Variants in TRAPPC9 observed in about 807,000 individuals in gnomAD.
TRAPPC9 encodes the protein trafficking protein particle complex subunit 9, also known as IKK2 binding protein.
A neutral mutation model predicts 124.0 loss-of-function variants in TRAPPC9; 83 were observed. That is an observed-to-expected ratio of 0.67 (90% CI 0.56 to 0.80). The LOEUF is 0.80. Ranked by LOEUF, TRAPPC9 falls within the 30% of genes least tolerant of loss-of-function variation. The probability of loss-of-function intolerance (pLI) is 0.00; values close to 1 mark genes in which losing one functional copy is unlikely to be tolerated. For synonymous variants in TRAPPC9, 638 were observed against 617.5 expected (o/e 1.03, Z -0.49); for missense variants, 1,302 against 1,508.3 (o/e 0.86, Z 2.27).
chr8:139,762,047 C>T (rs1820269517), intron 21 of TRAPPC9, among the ~76,000 whole-genome samples: 1 of 151,768 alleles, frequency 6.6e-6, no homozygotes, highest in Non-Finnish European at 1.5e-5. Flanking sequence ...GCTCCCAGGC[C>T]CAAGGATGCT....
At chr8:140,169,653 G>A (rs935567535) in intron 17 of TRAPPC9, among the ~76,000 whole-genome samples, 4 of 152,186 alleles carry the variant, frequency 2.6e-5, no homozygotes, top group Non-Finnish European at 5.9e-5. Context: ...CAGGCTAAGT[G>A]AGAGAAGGGA....
At chr8:139,734,386 C>T (rs1192300557) in intron 21 of TRAPPC9, among the ~76,000 whole-genome samples, 1 of 152,236 alleles carries the variant, frequency 6.6e-6, no homozygotes, top group Non-Finnish European at 1.5e-5. Flanking sequence ...TAGGGAGCCA[C>T]CTGAATGTGG....
chr8:139,791,307 C>T (rs537583542), intron 21 of TRAPPC9, among the ~76,000 whole-genome samples: 18 of 150,212 alleles, frequency 1.2e-4, no homozygotes, highest in African/African-American at 3.1e-4. Context: ...CTCACACAGG[C>T]GCCCGTCTCC....
Position 140,360,104 on chromosome 8 carries a change from C to A in TRAPPC9, c.1441G>T (p.Val481Phe). Residue 481 changes from valine (V) to phenylalanine (F), a missense_variant, in exon 9 of 23, where the codon GTC (valine) becomes TTC (phenylalanine). Val to Phe is a conservative substitution (Grantham distance 50). Transcript: ENST00000438773. ...TGTAGAAGGAAGGACAGGTGTCTGA[C>A]AGAGAGGGCAGGGTTCCCCATCCTT... ...SRRMGNPALS[V>F]RHLSFLLQTM... is the part of the protein sequence containing the mutation. 1 of 1,614,202 alleles carries A rather than the reference C, an allele frequency of 6.2e-7. No individual in the cohort carries two copies. Among genetic ancestry groups the A allele is most frequent in the Non-Finnish European group, 8.5e-7 (1 of 1,180,036 alleles).
intron 18 of TRAPPC9, among the ~76,000 whole-genome samples, chr8:139,990,261 G>A (rs2927050): frequency 0.63 from 96,031 of 152,088 alleles, 34,542 homozygotes; most frequent in East Asian, 0.89. Flanking sequence ...CACTGGAGAC[G>A]GAGGCTCAGG....
intron 17 of TRAPPC9, among the ~76,000 whole-genome samples, chr8:140,135,554 A>C (rs2130736440): frequency 2.6e-5 from 4 of 152,354 alleles, no homozygotes; most frequent in Admixed American, 2.6e-4. Context: ...AATACTGTAT[A>C]ATTCCACATA....
At chr8:140,018,286 T>A (rs1449885339) in intron 18 of TRAPPC9, among the ~76,000 whole-genome samples, 2 of 152,022 alleles carry the variant, frequency 1.3e-5, no homozygotes, top group East Asian at 3.8e-4. Context: ...ACATTTCATT[T>A]TCAAATTGTT....
intron 17 of TRAPPC9, among the ~76,000 whole-genome samples, chr8:140,050,820 A>T (rs970433802): frequency 2.6e-5 from 4 of 152,158 alleles, no homozygotes; most frequent in Non-Finnish European, 4.4e-5. Flanking sequence ...AAACAATGGC[A>T]TCCAGCTTCC....
intron 9 of TRAPPC9, among the ~76,000 whole-genome samples, chr8:140,346,142 C>T (rs1304632491): frequency 6.6e-6 from 1 of 152,226 alleles, no homozygotes; most frequent in African/African-American, 2.4e-5. Context: ...CAAATAGAAA[C>T]CGAGCCTTCG....
At chr8:140,007,825 A>G (rs771180503) in intron 18 of TRAPPC9, among the ~76,000 whole-genome samples, 87 of 152,374 alleles carry the variant, frequency 5.7e-4, no homozygotes, top group Non-Finnish European at 1.0e-3. Flanking sequence ...CTAAAATAAA[A>G]TATAGATCAC....
intron 16 of TRAPPC9, among the ~76,000 whole-genome samples, chr8:140,226,143 C>T (rs2063445418): frequency 6.6e-6 from 1 of 152,038 alleles, no homozygotes; most frequent in African/African-American, 2.4e-5. Context: ...CTTGATCCTG[C>T]CATGGCCAGA....
intron 15 of TRAPPC9, among the ~76,000 whole-genome samples, chr8:140,269,124 CAT>C (rs34075299): frequency 0.16 from 24,807 of 151,976 alleles, 3,162 homozygotes; most frequent in East Asian, 0.73. Context: ...GAGATTTGCA[CAT>C]GTCACTGTAC....
chr8:139,731,591 G>A (rs1197752409), intron 22 of TRAPPC9, among the ~76,000 whole-genome samples: 1 of 152,266 alleles, frequency 6.6e-6, no homozygotes, highest in East Asian at 1.9e-4. Context: ...TAGGAGGTGG[G>A]AGGTGGGGGC....
intron 20 of TRAPPC9, among the ~76,000 whole-genome samples, chr8:139,901,647 G>A (rs967731521): frequency 2.6e-5 from 4 of 152,236 alleles, no homozygotes; most frequent in African/African-American, 9.6e-5. Context: ...ACCAATCAGT[G>A]GTGAGACCTA....
At chr8:140,400,421 T>C (rs1400918979) in intron 6 of TRAPPC9, among the ~76,000 whole-genome samples, 1 of 152,244 alleles carries the variant, frequency 6.6e-6, no homozygotes, top group Non-Finnish European at 1.5e-5. Context: ...TCATCCCTTG[T>C]AGTACTCTCA....
chr8:140,017,891 T>A (rs1839571002), intron 18 of TRAPPC9, among the ~76,000 whole-genome samples: 1 of 152,192 alleles, frequency 6.6e-6, no homozygotes, highest in Admixed American at 6.5e-5. Flanking sequence ...TTGCCCAGGC[T>A]GGAGTGCAGT....
chr8:140,059,387 A>T (rs1842462316), intron 17 of TRAPPC9, among the ~76,000 whole-genome samples: 1 of 152,222 alleles, frequency 6.6e-6, no homozygotes, highest in Admixed American at 6.5e-5. Context: ...GTTTGGAGCT[A>T]TTCTGAATAA....
At chr8:139,921,042 T>G (rs1832470738) in intron 19 of TRAPPC9, among the ~76,000 whole-genome samples, 1 of 152,212 alleles carries the variant, frequency 6.6e-6, no homozygotes, top group Admixed American at 6.5e-5. Context: ...GAGGCCACCC[T>G]GCCAAGCAAG....
intron 19 of TRAPPC9, 27 bp downstream of exon 19, chr8:139,988,699 C>T (rs368680346): frequency 3.9e-4 from 578 of 1,481,742 alleles, no homozygotes; most frequent in African/African-American, 4.5e-4. Context: ...TGGCCTGCGG[C>T]GGCGCGAGGG....
Sources: allele counts gnomAD v4.1 joint callset (sites outside exome capture counted in the v4.1 genomes callset), GRCh38; gene constraint gnomAD v4.1.1; transcripts MANE v1.5; gene names NCBI Gene and HGNC (gene_info 2026-07-23, HGNC 2026-07-21).